Variants in SERGEF observed in about 807,000 individuals in gnomAD.
SERGEF encodes the protein secretion regulating guanine nucleotide exchange factor.
SERGEF carries 51 observed loss-of-function variants against 50.0 expected under a neutral mutation model. The observed-to-expected ratio is 1.02, with a 90% CI of 0.81 to 1.29. SERGEF has a LOEUF of 1.29. Among genes scored for constraint, SERGEF ranks in the 50% most tolerant of loss-of-function variants. The pLI is 0.00. For synonymous variants in SERGEF, 205 were observed against 212.4 expected, an observed-to-expected ratio of 0.97 and a Z score of 0.30; for missense variants, 521 against 557.0, an observed-to-expected ratio of 0.94 and a Z score of 0.65.
intron 10 of SERGEF, among the ~76,000 whole-genome samples, chr11:17,828,837 G>A (rs969074238): frequency 1.3e-5 from 2 of 152,070 alleles, no homozygotes; most frequent in African/African-American, 2.4e-5. Flanking sequence ...CTGCTTCCCC[G>A]AGAGTCCCTA....
intron 10 of SERGEF, among the ~76,000 whole-genome samples, chr11:17,838,508 C>T (rs533624105): frequency 1.3e-5 from 2 of 152,224 alleles, no homozygotes; most frequent in South Asian, 2.1e-4. Flanking sequence ...GACTGAGCAC[C>T]TCCTCTATTC....
chr11:17,988,642 C>A lies in SERGEF; in HGVS notation c.799G>T (p.Val267Phe), dbSNP rs1458343975. ...IEAHCFQNEKVTAIWSGWTHL... is the reference protein window; with the variant it reads ...IEAHCFQNEKFTAIWSGWTHL... ...GTCCATCCACTCCAGATGGCAGTGA[C>A]CTTTTCATTCTGGAAACAATGTGCT... Residue 267 changes from valine (V) to phenylalanine (F), a missense_variant, in exon 8 of 11, where the codon GTC (valine) becomes TTC (phenylalanine). By Grantham distance (50) the Val-to-Phe change is conservative. Transcript: ENST00000265965. 2.5e-6 allele frequency: 4 copies of A among 1,614,034 alleles called. No homozygotes were observed. Among genetic ancestry groups the A allele is most frequent in the African/African-American group, 1.3e-5 (1 of 74,928 alleles).
chr11:17,832,635 C>T (rs1230355600), intron 10 of SERGEF, among the ~76,000 whole-genome samples: 1 of 152,122 alleles, frequency 6.6e-6, no homozygotes, highest in Non-Finnish European at 1.5e-5. Flanking sequence ...TTGGAACTCC[C>T]TAGAGACTTC....
chr11:17,879,553 C>T (rs1390259021), intron 9 of SERGEF, among the ~76,000 whole-genome samples: 1 of 152,144 alleles, frequency 6.6e-6, no homozygotes, highest in Admixed American at 6.6e-5. Context: ...TCTATGAAAT[C>T]AACTTTTTAA....
In SERGEF at chr11:17,807,254, C is replaced by T. The variant is rs958604984; in HGVS notation, c.1049-18841G>A. Among the ~76,000 whole-genome samples, 7 of 152,232 alleles carry T rather than the reference C, an allele frequency of 4.6e-5. No individual in the cohort carries two copies. In the East Asian group the frequency reaches 5.8e-4, roughly 13 times the overall value. ...GCCATGGTAACAGCAGACCAAGGTT[C>T]GGAATGCTTTATCCCTGATGAGCTG... On this transcript the variant is annotated intron_variant, in intron 10 of 10. Coordinates refer to ENST00000265965, the MANE Select transcript of SERGEF (RefSeq NM_012139.4).
At chr11:17,999,541 AG>A (rs1489477245) in intron 5 of SERGEF, 1 of 455,916 alleles carries the variant, frequency 2.2e-6, no homozygotes, top group African/African-American at 2.0e-5. Flanking sequence ...GAAGCACCTG[AG>A]CCTCAGCTGC....
At position 17,843,193 on chromosome 11, in the gene SERGEF, C is replaced by T. The variant is rs76859649; in HGVS notation, c.1048+35015G>A. On this transcript the variant is annotated intron_variant, in intron 10 of 10. Coordinates refer to ENST00000265965, the MANE Select transcript of SERGEF (RefSeq NM_012139.4). Reference sequence around the variant, plus strand: ...CAAGATGCCTGGGCCTCAGTGAGAACCTCAGTGTCACAGGAAGCCAGGAGA... The same window carrying T: ...CAAGATGCCTGGGCCTCAGTGAGAATCTCAGTGTCACAGGAAGCCAGGAGA... Among the ~76,000 whole-genome samples, 1,436 of 152,218 alleles carry T rather than the reference C, an allele frequency of 9.4e-3. 21 individuals carry two copies. Among genetic ancestry groups the T allele is most frequent in the African/African-American group, 0.033 (1,376 of 41,518 alleles).
intron 10 of SERGEF, among the ~76,000 whole-genome samples, chr11:17,798,674 G>A (rs890658637): frequency 6.6e-6 from 1 of 152,230 alleles, no homozygotes; most frequent in Non-Finnish European, 1.5e-5. Flanking sequence ...CCTACAGACT[G>A]TCTTTCTGAA....
At chr11:17,788,546 G>T in intron 10 of SERGEF, 133 bp from the exon 11 acceptor site, 1 of 698,662 alleles carries the variant, frequency 1.4e-6, no homozygotes, top group Non-Finnish European at 2.2e-6. Flanking sequence ...GACACATGGC[G>T]GCATCCTCCC....
intron 10 of SERGEF, chr11:17,863,681 C>T (rs1011440221): frequency 1.3e-5 from 2 of 152,232 alleles, no homozygotes; most frequent in African/African-American, 2.4e-5. Flanking sequence ...CCATAGCTCT[C>T]TTTCCCACTA....
At position 17,952,925 on chromosome 11, in the gene SERGEF, C is replaced by A. The variant is rs528377424; in HGVS notation, c.1011+6545G>T. 9.9e-5 allele frequency among the ~76,000 whole-genome samples: 15 copies of A among 152,258 alleles called. 1 individual carries two copies. The South Asian group carries it at 3.1e-3, about 32-fold the overall frequency. ...TCTCCCTCTCCTGTCAATACTCAGT[C>A]TCTATCTGGCTGCTCTTCCTCTGCT... is the stretch of plus-strand genomic sequence containing the variant. On this transcript the variant is annotated intron_variant, in intron 9 of 10. Transcript: ENST00000265965.
chr11:17,896,555 G>C (rs1851625592), intron 9 of SERGEF, among the ~76,000 whole-genome samples: 1 of 99,706 alleles, frequency 1.0e-5, no homozygotes, highest in East Asian at 3.1e-4. Context: ...GAAGGGAAGG[G>C]GAAGGGAAGG....
chr11:17,844,453 G>C (rs1025206988), intron 10 of SERGEF, among the ~76,000 whole-genome samples: 1 of 152,058 alleles, frequency 6.6e-6, no homozygotes, highest in Non-Finnish European at 1.5e-5. Context: ...TCACCCTCTC[G>C]TACCTCTGAC....
intron 1 of SERGEF, among the ~76,000 whole-genome samples, chr11:18,012,151 G>A (rs1010805822): frequency 6.6e-6 from 1 of 152,100 alleles, no homozygotes; most frequent in African/African-American, 2.4e-5. Flanking sequence ...GAGAGGCACC[G>A]TGAACAAGAC....
At chr11:17,929,648 A>G in intron 9 of SERGEF, among the ~76,000 whole-genome samples, 1 of 152,164 alleles carries the variant, frequency 6.6e-6, no homozygotes, top group Non-Finnish European at 1.5e-5. Context: ...GCGCTGTGCT[A>G]GGCAGGCAGG....
At chr11:17,847,999 C>A (rs756927754) in intron 10 of SERGEF, among the ~76,000 whole-genome samples, 1 of 152,022 alleles carries the variant, frequency 6.6e-6, no homozygotes, top group Non-Finnish European at 1.5e-5. Context: ...AAGCACAATG[C>A]ATAGTCATTA....
At chr11:17,974,342 C>G (rs1287703351) in intron 8 of SERGEF, among the ~76,000 whole-genome samples, 1 of 152,218 alleles carries the variant, frequency 6.6e-6, no homozygotes, top group African/African-American at 2.4e-5. Context: ...CCACCAGAGA[C>G]AGTTACCACC....
At chr11:17,930,801 A>G (rs1049820582) in intron 9 of SERGEF, among the ~76,000 whole-genome samples, 1 of 152,272 alleles carries the variant, frequency 6.6e-6, no homozygotes, top group Middle Eastern at 3.4e-3. Context: ...ACCATCTGTA[A>G]ATCGAAGGGA....
At chr11:17,909,268 A>T in intron 9 of SERGEF, among the ~76,000 whole-genome samples, 1 of 152,232 alleles carries the variant, frequency 6.6e-6, no homozygotes, top group Non-Finnish European at 1.5e-5. Context: ...CATATGAGAC[A>T]TACAACACTT....
Sources: gnomAD v4.1 joint callset for allele counts (sites outside exome capture counted in the v4.1 genomes callset) on GRCh38, gnomAD v4.1.1 for gene constraint, MANE v1.5 for transcripts, NCBI Gene and HGNC (gene_info 2026-07-23, HGNC 2026-07-21) for gene names.